The following LDLRAD4 variants were observed in gnomAD, a reference collection of about 807,000 sequenced individuals.
The protein encoded by LDLRAD4 is low-density lipoprotein receptor class A domain-containing protein 4.
In LDLRAD4, 5 loss-of-function variants were observed where a neutral mutation model predicts 17.0. That is an observed-to-expected ratio of 0.29 (90% CI 0.15 to 0.62). The LOEUF (loss-of-function observed/expected upper bound fraction) is 0.62. LDLRAD4 is among the 20% of genes least tolerant of loss of function. The pLI, the probability that LDLRAD4 is intolerant of heterozygous loss-of-function variation, is 0.84. For missense variants in LDLRAD4, 340 were observed against 424.7 expected (o/e 0.80, Z 1.75); for synonymous variants, 168 against 171.8 (o/e 0.98, Z 0.17).
chr18:13,411,272 A>C (rs1006150740), intron 2 of LDLRAD4, among the ~76,000 whole-genome samples: 4 of 151,898 alleles, frequency 2.6e-5, no homozygotes, highest in Admixed American at 6.6e-5. Context: ...AAAAGAAAGA[A>C]AAAAAAGTGC....
rs202132523 is a variant in LDLRAD4, at chr18:13,634,773, C to CAA, written c.337-8572_337-8571dup. Among the ~76,000 whole-genome samples the CAA allele has an allele frequency of 4.4e-3, 536 of 122,100 alleles. 3 individuals carry two copies. The highest frequency in any genetic ancestry group is 0.014 in the African/African-American group (466 of 33,226). 80.1% of individuals were successfully genotyped at this position (122,100 alleles called of 152,430 possible). On this transcript the variant is annotated intron_variant, in intron 4 of 5. Coordinates refer to ENST00000359446, the Ensembl canonical transcript of LDLRAD4. ...GGACCCTAAATATCCACAATAATCT[C>CAA]AAAAAAAAAAAAAAAGATTTGAAAA...
At chr18:13,480,491 T>C (rs1343179117) in intron 3 of LDLRAD4, among the ~76,000 whole-genome samples, 2 of 152,188 alleles carry the variant, frequency 1.3e-5, no homozygotes, top group African/African-American at 4.8e-5. Context: ...AGTAGATCCA[T>C]GGCAAAATAC....
At chr18:13,286,111 C>T (rs138713973) in intron 1 of LDLRAD4, among the ~76,000 whole-genome samples, 27 of 152,300 alleles carry the variant, frequency 1.8e-4, no homozygotes, top group Non-Finnish European at 3.4e-4. Flanking sequence ...TCCCTCCAGC[C>T]GCTGACACCC....
intron 3 of LDLRAD4, among the ~76,000 whole-genome samples, chr18:13,455,280 G>C (rs2092066652): frequency 6.6e-6 from 1 of 152,200 alleles, no homozygotes; most frequent in Non-Finnish European, 1.5e-5. Context: ...AAAAAATTCT[G>C]CTTCCAAGAT....
chr18:13,596,186 T>C (rs1028281092), intron 3 of LDLRAD4, among the ~76,000 whole-genome samples: 1 of 152,208 alleles, frequency 6.6e-6, no homozygotes, highest in Non-Finnish European at 1.5e-5. Flanking sequence ...ATTAGTATGG[T>C]CGCACCAGTT....
chr18:13,399,475 A>G (rs1026470735), intron 2 of LDLRAD4, among the ~76,000 whole-genome samples: 3 of 152,126 alleles, frequency 2.0e-5, no homozygotes, highest in Non-Finnish European at 1.5e-5. Context: ...AGCCAGACAC[A>G]TGTGTAAACA....
chr18:13,381,427 G>T (rs1472601862), intron 1 of LDLRAD4, among the ~76,000 whole-genome samples: 1 of 152,120 alleles, frequency 6.6e-6, no homozygotes, highest in Non-Finnish European at 1.5e-5. Flanking sequence ...GGCCATAGGG[G>T]ACTTTTTGGA....
intron 1 of LDLRAD4, among the ~76,000 whole-genome samples, chr18:13,386,891 CATAGATAG>C (rs71174169): frequency 0.13 from 19,212 of 146,668 alleles, 1,355 homozygotes; most frequent in East Asian, 0.27. Flanking sequence ...CCCTGTCATT[CATAGATAG>C]ATAGATAGAT....
chr18:13,256,615 G>T (rs1472596223), intron 1 of LDLRAD4, among the ~76,000 whole-genome samples: 1 of 152,226 alleles, frequency 6.6e-6, no homozygotes, highest in African/African-American at 2.4e-5. Flanking sequence ...TAGGACTGGT[G>T]TGAACAGTGC....
chr18:13,288,725 CACA>C (rs2045787949), intron 1 of LDLRAD4, among the ~76,000 whole-genome samples: 1 of 135,902 alleles, frequency 7.4e-6, no homozygotes, highest in African/African-American at 2.7e-5. Flanking sequence ...GTAGCAGCCC[CACA>C]GACCGTGGTC....
chr18:13,303,865 A>AC (rs2046752011), intron 1 of LDLRAD4, among the ~76,000 whole-genome samples: 2 of 152,052 alleles, frequency 1.3e-5, no homozygotes, highest in African/African-American at 2.4e-5. Context: ...GGCTAAGGAG[A>AC]TCCTAGCTGC....
At chr18:13,329,765 C>G (rs1384339292) in intron 1 of LDLRAD4, among the ~76,000 whole-genome samples, 1 of 152,142 alleles carries the variant, frequency 6.6e-6, no homozygotes, top group Non-Finnish European at 1.5e-5. Flanking sequence ...CCTAATCTGT[C>G]TTTTACTCAC....
rs112304158 is a variant in LDLRAD4 at position 13,516,297 on chromosome 18, C to G, written c.181+77913C>G. ...TAACAAACTTCGAATGAGGTTGAAC[C>G]TTTACAGCAGCAGTGAAGCCATGAA... On this transcript the variant is annotated intron_variant, in intron 3 of 5. Coordinates refer to ENST00000359446, the Ensembl canonical transcript of LDLRAD4. Among the ~76,000 whole-genome samples the G allele has an allele frequency of 1.4e-3, 217 of 152,324 alleles. 3 individuals carry two copies. The highest frequency in any genetic ancestry group is 5.1e-3 in the African/African-American group (212 of 41,578).
intron 4 of LDLRAD4, among the ~76,000 whole-genome samples, chr18:13,633,290 C>T (rs191626878): frequency 3.0e-4 from 46 of 152,340 alleles, no homozygotes; most frequent in Middle Eastern, 3.4e-3. Context: ...GAAAAAGCAT[C>T]CTAAGTTCTT....
intron 3 of LDLRAD4, among the ~76,000 whole-genome samples, chr18:13,547,201 G>A (rs1382013048): frequency 3.9e-5 from 6 of 152,164 alleles, no homozygotes; most frequent in South Asian, 2.1e-4. Context: ...GTACCACTTC[G>A]TCATTTACTC....
chr18:13,399,522 T>C (rs1264839078), intron 2 of LDLRAD4, among the ~76,000 whole-genome samples: 1 of 152,278 alleles, frequency 6.6e-6, no homozygotes, highest in Non-Finnish European at 1.5e-5. Context: ...GGCACACTGC[T>C]GCTACTCAAA....
chr18:13,278,646 A>G (rs1477852763), intron 1 of LDLRAD4, among the ~76,000 whole-genome samples: 2 of 152,290 alleles, frequency 1.3e-5, no homozygotes, highest in Non-Finnish European at 2.9e-5. Flanking sequence ...AAGACATTCT[A>G]TAAAATATAA....
intron 1 of LDLRAD4, among the ~76,000 whole-genome samples, chr18:13,246,550 C>T (rs1339557706): frequency 2.6e-5 from 4 of 152,208 alleles, no homozygotes; most frequent in Non-Finnish European, 5.9e-5. Flanking sequence ...AGGTCAGTGC[C>T]ATATAAAATG....
rs1290668641 is a variant in LDLRAD4 at position 13,605,119 on chromosome 18, ATTAGAGTGTT to A, written c.182-15997_182-15988del. ...CACTTGAGTTTGTCCAGAGCGCAGA[ATTAGAGTGTT>A]CTCTTAACATATGGTGTCCAGAAAT... On this transcript the variant is annotated intron_variant, in intron 3 of 5. Coordinates refer to ENST00000359446, the Ensembl canonical transcript of LDLRAD4. 2.0e-5 allele frequency among the ~76,000 whole-genome samples: 3 copies of A among 152,244 alleles called. No individual in the cohort carries two copies. In the East Asian group the frequency reaches 5.8e-4, roughly 29 times the overall value.
Sources: gnomAD v4.1 joint callset for allele counts (sites outside exome capture counted in the v4.1 genomes callset) on GRCh38, gnomAD v4.1.1 for gene constraint, MANE v1.5 for transcripts, NCBI Gene and HGNC (gene_info 2026-07-23, HGNC 2026-07-21) for gene names.